Variants in NAV3 observed in about 807,000 individuals in gnomAD.
NAV3 encodes neuron navigator 3.
In NAV3, 87 loss-of-function variants were observed where a neutral mutation model predicts 244.7. That is an observed-to-expected ratio of 0.36 (90% confidence interval 0.30 to 0.42). The LOEUF (loss-of-function observed/expected upper bound fraction) is 0.42. NAV3 is among the 20% of genes least tolerant of loss of function. The probability of loss-of-function intolerance (pLI) is 1.00; values close to 1 mark genes in which losing one functional copy is unlikely to be tolerated. For synonymous variants in NAV3, 1,126 were observed against 1,042.2 expected, an observed-to-expected ratio of 1.08 and a Z score of -1.55; for missense variants, 2,663 against 2,893.3, an observed-to-expected ratio of 0.92 and a Z score of 1.83.
intron 2 of NAV3, among the ~76,000 whole-genome samples, chr12:77,592,051 G>A (rs1382917717): frequency 6.7e-6 from 1 of 148,996 alleles, no homozygotes; most frequent in Non-Finnish European, 1.5e-5. Flanking sequence ...AGGCACCACA[G>A]GAGCTTCGTT....
chr12:77,869,291 G>A (rs918781013), intron 1 of NAV3, among the ~76,000 whole-genome samples: 1 of 152,044 alleles, frequency 6.6e-6, no homozygotes, highest in African/African-American at 2.4e-5. Context: ...GAGATAGTAA[G>A]TAAATATTCT....
chr12:77,944,039 T>C (rs1890107785), intron 3 of NAV3, among the ~76,000 whole-genome samples: 1 of 152,164 alleles, frequency 6.6e-6, no homozygotes, highest in Non-Finnish European at 1.5e-5. Context: ...TGAACTACAC[T>C]TGAGAATTGG....
chr12:77,831,772 A>G (rs2136082432), intron 1 of NAV3, 68 bp downstream of exon 1: 1 of 1,496,328 alleles, frequency 6.7e-7, no homozygotes, highest in Non-Finnish European at 8.9e-7. Context: ...GTGCACTATA[A>G]AACATGTTAT....
intron 2 of NAV3, among the ~76,000 whole-genome samples, chr12:77,609,963 A>G (rs1870839476): frequency 6.6e-6 from 1 of 152,076 alleles, no homozygotes; most frequent in Non-Finnish European, 1.5e-5. Context: ...AATGATTAGT[A>G]CAATCATTGG....
chr12:77,891,503 C>T (rs1883936214), intron 1 of NAV3, among the ~76,000 whole-genome samples: 1 of 151,940 alleles, frequency 6.6e-6, no homozygotes, highest in South Asian at 2.1e-4. Context: ...GGACAGGTGG[C>T]CATTTCACTT....
chr12:77,735,380 T>A (rs2137363207), intron 2 of NAV3, among the ~76,000 whole-genome samples: 1 of 152,256 alleles, frequency 6.6e-6, no homozygotes, highest in East Asian at 1.9e-4. Context: ...ATATCATTAA[T>A]GAATTAGTTA....
At chr12:77,823,621 G>A (rs1872837945) in intron 2 of NAV3, among the ~76,000 whole-genome samples, 1 of 152,182 alleles carries the variant, frequency 6.6e-6, no homozygotes, top group Non-Finnish European at 1.5e-5. Flanking sequence ...TATTTAAAAT[G>A]CTCAAAAGCT....
intron 2 of NAV3, among the ~76,000 whole-genome samples, chr12:77,622,560 T>C (rs796509065): frequency 7.0e-6 from 1 of 142,410 alleles, no homozygotes; most frequent in Admixed American, 7.0e-5. Context: ...TTTTTTTTTT[T>C]ACTGGAAGTT....
chr12:78,119,173 T>C lies in NAV3; in HGVS notation c.3041-64T>C, dbSNP rs1955554631. On this transcript the variant is annotated intron_variant, in intron 14 of 39. Transcript: ENST00000397909. ...GAAGCATTCACATTTTACACATTGT[T>C]TCACGAAGTGTGGTGATATCAAACT... 2.2e-6 allele frequency: 3 copies of C among 1,387,836 alleles called. No homozygotes were observed. The African/African-American group carries it at 4.4e-5, about 20-fold the overall frequency. The allele number at this position is 1,387,836 out of a possible 1,614,324, so 86.0% of individuals were successfully genotyped here. A position where few individuals can be genotyped will look rare whatever the true frequency, so the allele number is the denominator to read the frequency against.
intron 1 of NAV3, among the ~76,000 whole-genome samples, chr12:77,900,309 C>T (rs1885129526): frequency 6.6e-6 from 1 of 152,110 alleles, no homozygotes; most frequent in African/African-American, 2.4e-5. Flanking sequence ...ATCTCCTGAC[C>T]TCATGATCTG....
intron 2 of NAV3, among the ~76,000 whole-genome samples, chr12:77,711,608 C>G (rs973933883): frequency 6.6e-6 from 1 of 152,324 alleles, no homozygotes; most frequent in African/African-American, 2.4e-5. Context: ...AGCTAAAGGG[C>G]AGGTGCCCTG....
chr12:77,973,206 C>A (rs1415003685), intron 5 of NAV3, among the ~76,000 whole-genome samples: 2 of 151,870 alleles, frequency 1.3e-5, no homozygotes, highest in Admixed American at 6.6e-5. Flanking sequence ...ATGAATTTTA[C>A]CAACTCACAG....
intron 9 of NAV3, chr12:78,037,102 A>G: frequency 1.4e-6 from 1 of 703,034 alleles, no homozygotes; most frequent in Non-Finnish European, 2.6e-6. Flanking sequence ...CAGTCCCTGT[A>G]TCACACCAGC....
intron 1 of NAV3, among the ~76,000 whole-genome samples, chr12:77,921,364 T>C (rs1213888742): frequency 2.0e-5 from 3 of 152,122 alleles, no homozygotes; most frequent in Non-Finnish European, 4.4e-5. Flanking sequence ...CTATTTTCAT[T>C]ATTCATAGAA....
chr12:78,043,155 A>G lies in NAV3; in HGVS notation c.2024-6838A>G, dbSNP rs552096792. 3.2e-4 allele frequency among the ~76,000 whole-genome samples: 49 copies of G among 151,576 alleles called. No individual in the cohort carries two copies. The East Asian group carries it at 8.2e-3, about 25-fold the overall frequency. ...TGTGTCCATGTGTTCTCATTGTTCA[A>G]CTCCCACTTGTGAGTGAGAACATGT... On this transcript the variant is annotated intron_variant, in intron 9 of 39. Coordinates refer to ENST00000397909, the MANE Select transcript of NAV3 (RefSeq NM_001024383.2).
chr12:78,186,841 G>A (rs1289677836), intron 31 of NAV3, among the ~76,000 whole-genome samples: 2 of 151,800 alleles, frequency 1.3e-5, no homozygotes, highest in Non-Finnish European at 2.9e-5. Context: ...TTTGGTTCCT[G>A]GTGAGGGCTC....
intron 11 of NAV3, among the ~76,000 whole-genome samples, chr12:78,055,847 G>T (rs1883424483): frequency 6.6e-6 from 1 of 152,146 alleles, no homozygotes; most frequent in Non-Finnish European, 1.5e-5. Context: ...GAGGGAAATT[G>T]GTTTGATGAC....
intron 2 of NAV3, among the ~76,000 whole-genome samples, chr12:77,748,270 A>G (rs1251955956): frequency 6.6e-6 from 1 of 152,172 alleles, no homozygotes; most frequent in Non-Finnish European, 1.5e-5. Flanking sequence ...TGGTTCCTCT[A>G]TAAAGCTGCT....
intron 3 of NAV3, among the ~76,000 whole-genome samples, chr12:77,961,282 CAT>C (rs1449030897): frequency 4.8e-5 from 5 of 104,278 alleles, no homozygotes; most frequent in Admixed American, 2.1e-4. Context: ...ATCTGTATGA[CAT>C]ATGCAATATA....
Sources: allele counts gnomAD v4.1 joint callset (sites outside exome capture counted in the v4.1 genomes callset), GRCh38; gene constraint gnomAD v4.1.1; transcripts MANE v1.5; gene names NCBI Gene and HGNC (gene_info 2026-07-23, HGNC 2026-07-21).